The following SHB variants were observed in gnomAD, a reference collection of about 807,000 sequenced individuals.
SHB encodes SH2 domain containing adaptor protein B, also known as SH2 domain-containing adapter protein B.
SHB carries 20 observed loss-of-function variants against 52.3 expected under a neutral mutation model. The observed-to-expected ratio is 0.38, with a 90% confidence interval of 0.27 to 0.56. The LOEUF (loss-of-function observed/expected upper bound fraction) is 0.56. Ranked by LOEUF, SHB falls within the 20% of genes least tolerant of loss-of-function variation. The pLI, the probability that SHB is intolerant of heterozygous loss-of-function variation, is 0.71. For missense variants in SHB, 825 were observed against 723.3 expected, an observed-to-expected ratio of 1.14 and a Z score of -1.61; for synonymous variants, 397 against 316.5, an observed-to-expected ratio of 1.25 and a Z score of -2.70.
intron 1 of SHB, among the ~76,000 whole-genome samples, chr9:38,064,479 A>G (rs182563992): frequency 2.0e-5 from 3 of 152,340 alleles, no homozygotes; most frequent in Admixed American, 2.0e-4. Flanking sequence ...ACACACATGT[A>G]TACACTTACA....
intron 5 of SHB, among the ~76,000 whole-genome samples, chr9:37,939,831 G>A (rs1168147585): frequency 6.6e-6 from 1 of 152,192 alleles, no homozygotes; most frequent in Admixed American, 6.5e-5. Flanking sequence ...GGCAATGGTT[G>A]CTACTCTTCT....
intron 1 of SHB, among the ~76,000 whole-genome samples, chr9:38,022,621 AC>A (rs201149634): frequency 2.0e-5 from 3 of 151,420 alleles, no homozygotes; most frequent in South Asian, 2.1e-4. Flanking sequence ...CTCCTTTGGG[AC>A]CCCCCCATAA....
chr9:37,935,487 C>T (rs944245153), intron 5 of SHB, among the ~76,000 whole-genome samples: 2 of 152,184 alleles, frequency 1.3e-5, no homozygotes, highest in African/African-American at 4.8e-5. Flanking sequence ...TAGAGCACTG[C>T]TATGGCCACA....
At chr9:38,057,461 G>A (rs573375900) in intron 1 of SHB, among the ~76,000 whole-genome samples, 3 of 152,288 alleles carry the variant, frequency 2.0e-5, no homozygotes, top group African/African-American at 7.2e-5. Context: ...GTTATAAGGG[G>A]TAAAAGGTTA....
At chr9:37,939,105 C>T (rs1832408102) in intron 5 of SHB, among the ~76,000 whole-genome samples, 1 of 152,224 alleles carries the variant, frequency 6.6e-6, no homozygotes, top group South Asian at 2.1e-4. Context: ...TGATCTATAT[C>T]ACACACCCAG....
At position 38,068,348 on chromosome 9, in the gene SHB, C is replaced by T. The variant is rs1270221777; in HGVS notation, c.298G>A (p.Gly100Ser). Residue 100 changes from glycine (G) to serine (S), a missense_variant, in exon 1 of 6, where the codon GGC (glycine) becomes AGC (serine). Physicochemically the swap from Gly to Ser is moderately conservative, Grantham distance 56. Transcript: ENST00000377707. ...GCGCGCAGTTTGCGCAGCGACGAGC[C>T]AGGCCCGTTGTAGGGGTCCTCGAAG... ...RDFEDPYNGP[G>S]SSLRKLRAMC... 6.4e-7 allele frequency: 1 copy of T among 1,561,420 alleles called. No homozygotes were observed. Among genetic ancestry groups the T allele is most frequent in the South Asian group, 1.2e-5 (1 of 84,728 alleles).
rs2118102249 is a variant in SHB at position 38,026,183 on chromosome 9, A to G, written c.718-10052T>C. On this transcript the variant is annotated intron_variant, in intron 1 of 5. Transcript: ENST00000377707. Reference sequence around the variant, plus strand: ...AGCAAAACAGCAGCGCCTGTGAGCCAAAGGCCTTTCCTGTGCAATGTGGTA... The same window carrying G: ...AGCAAAACAGCAGCGCCTGTGAGCCGAAGGCCTTTCCTGTGCAATGTGGTA... 2.0e-5 allele frequency among the ~76,000 whole-genome samples: 3 copies of G among 152,344 alleles called. No homozygotes were observed. In the Middle Eastern group the frequency reaches 0.01, roughly 518 times the overall value.
intron 1 of SHB, among the ~76,000 whole-genome samples, chr9:38,067,157 G>A (rs1362337234): frequency 6.6e-6 from 1 of 152,108 alleles, no homozygotes; most frequent in East Asian, 1.9e-4. Flanking sequence ...AAGTCCCCCC[G>A]TGTTCCTGGG....
chr9:38,040,984 A>G (rs1821568148), intron 1 of SHB, among the ~76,000 whole-genome samples: 1 of 152,022 alleles, frequency 6.6e-6, no homozygotes, highest in Non-Finnish European at 1.5e-5. Context: ...AGGGACGCTT[A>G]GAGTTAACTT....
intron 5 of SHB, among the ~76,000 whole-genome samples, chr9:37,941,308 C>T (rs1832431822): frequency 6.6e-6 from 1 of 152,204 alleles, no homozygotes; most frequent in African/African-American, 2.4e-5. Context: ...TATGCTGGAG[C>T]ATATGCTAAG....
chr9:38,061,962 A>C (rs1009863471), intron 1 of SHB, among the ~76,000 whole-genome samples: 5 of 152,236 alleles, frequency 3.3e-5, no homozygotes, highest in African/African-American at 1.2e-4. Context: ...GTGCTGCATT[A>C]ACATCTCATT....
In SHB at chr9:38,044,599, T is replaced by TGCC. The variant is rs1172397036; in HGVS notation, c.717+23327_717+23329dup. On this transcript the variant is annotated intron_variant, in intron 1 of 5. Coordinates refer to ENST00000377707, the MANE Select transcript of SHB (RefSeq NM_003028.3). ...GGAGAATCAAAGCTGCTCTTTCCAA[T>TGCC]GCCCACCACCACACCAAAAGGCAGG... Among the ~76,000 whole-genome samples the TGCC allele has an allele frequency of 5.9e-5, 9 of 152,318 alleles. No homozygotes were observed. The East Asian group carries it at 1.7e-3, about 29-fold the overall frequency.
At chr9:38,000,537 G>A (rs1024709404) in intron 2 of SHB, among the ~76,000 whole-genome samples, 1 of 152,340 alleles carries the variant, frequency 6.6e-6, no homozygotes, top group East Asian at 1.9e-4. Context: ...GCATTCTCCT[G>A]AGCCTCCCAT....
chr9:38,060,457 G>A (rs916216305), intron 1 of SHB, among the ~76,000 whole-genome samples: 2 of 151,978 alleles, frequency 1.3e-5, no homozygotes, highest in Non-Finnish European at 2.9e-5. Context: ...AGGAAGTGCT[G>A]GGATTACAGG....
intron 5 of SHB, among the ~76,000 whole-genome samples, chr9:37,926,454 A>C (rs1832252198): frequency 1.3e-5 from 2 of 152,178 alleles, no homozygotes; most frequent in South Asian, 4.1e-4. Flanking sequence ...AGCTCTATGT[A>C]CCTCTTCACA....
rs778784311 is a variant in SHB, at chr9:38,068,440, G to A, written c.206C>T (p.Ser69Leu). ...TASCFSASSG[S>L]LPDDSGSTSD... ...GGTGCTGCCGCTGTCGTCGGGCAGCGAGCCCGAAGAGGCTGAGAAGCAGGA... is the reference window on the plus strand; with the variant it reads ...GGTGCTGCCGCTGTCGTCGGGCAGCAAGCCCGAAGAGGCTGAGAAGCAGGA... The change falls in exon 1 of 6, where the codon TCG (serine) becomes TTG (leucine). Residue 69 changes from serine (S) to leucine (L), a missense_variant. Coordinates refer to ENST00000377707, the MANE Select transcript of SHB (RefSeq NM_003028.3). 21 of 1,546,326 alleles carry A rather than the reference G, an allele frequency of 1.4e-5. No individual in the cohort carries two copies. In the East Asian group the frequency reaches 5.1e-4, roughly 38 times the overall value.
chr9:38,036,549 C>T (rs918556185), intron 1 of SHB, among the ~76,000 whole-genome samples: 10 of 152,198 alleles, frequency 6.6e-5, no homozygotes, highest in African/African-American at 1.7e-4. Flanking sequence ...GGCTGGGTGG[C>T]CACTGGCGGC....
intron 4 of SHB, among the ~76,000 whole-genome samples, chr9:37,949,205 C>T (rs1304663465): frequency 1.3e-5 from 2 of 151,962 alleles, no homozygotes; most frequent in African/African-American, 4.8e-5. Context: ...CCAGCCTGGC[C>T]AACATGGCGA....
chr9:37,928,528 C>T (rs919130943), intron 5 of SHB, among the ~76,000 whole-genome samples: 10 of 152,206 alleles, frequency 6.6e-5, no homozygotes, highest in East Asian at 1.9e-4. Context: ...AGGCCAGGGA[C>T]GCTGCTAAAT....
Sources: gnomAD v4.1 joint callset for allele counts (sites outside exome capture counted in the v4.1 genomes callset) on GRCh38, gnomAD v4.1.1 for gene constraint, MANE v1.5 for transcripts, NCBI Gene and HGNC (gene_info 2026-07-23, HGNC 2026-07-21) for gene names.